DHX33: variants seen among roughly 807,000 people sequenced by gnomAD.
DHX33 encodes the protein DEAH-box helicase 33.
In DHX33, 42 loss-of-function variants were observed where a neutral mutation model predicts 72.5. The ratio of observed to expected loss-of-function variants is 0.58; its 90% CI spans 0.45 to 0.75. The LOEUF (loss-of-function observed/expected upper bound fraction) is 0.75, where lower values mean the gene tolerates loss of function less well. Ranked by LOEUF, DHX33 falls within the 30% of genes least tolerant of loss-of-function variation. The pLI is 0.00. For missense variants in DHX33, 842 were observed against 917.5 expected, an observed-to-expected ratio of 0.92 and a Z score of 1.06; for synonymous variants, 358 against 366.1, an observed-to-expected ratio of 0.98 and a Z score of 0.25.
rs182690124 is a variant in DHX33 at position 5,452,831 on chromosome 17, G to A, written c.1396+749C>T. 2.5e-3 allele frequency among the ~76,000 whole-genome samples: 383 copies of A among 152,306 alleles called. 3 individuals are homozygous for A. Among genetic ancestry groups the A allele is most frequent in the Non-Finnish European group, 4.5e-3 (308 of 68,038 alleles). ...AATGGTTCCAGTGGTTGTTCTAGGG[G>A]AAGGAAACTGTGAACCTGAGGATCA... is the stretch of plus-strand genomic sequence containing the variant. On this transcript the variant is annotated intron_variant, in intron 8 of 11. Transcript: ENST00000225296.
At chr17:5,463,401 T>C (rs1904730844) in intron 2 of DHX33, 128 bp downstream of exon 2, 9 of 995,054 alleles carry the variant, frequency 9.0e-6, no homozygotes, top group Non-Finnish European at 1.3e-5. Flanking sequence ...TAAAGAACTC[T>C]CGGAAGAATA....
At chr17:5,468,103 A>G (rs931424543) in intron 1 of DHX33, among the ~76,000 whole-genome samples, 25 of 152,248 alleles carry the variant, frequency 1.6e-4, no homozygotes, top group African/African-American at 6.0e-4. Flanking sequence ...GTTGGGGATC[A>G]TAAGCCCCAT....
At position 5,462,545 on chromosome 17, in the gene DHX33, A is replaced by G. The variant is rs763159800; in HGVS notation, c.452T>C (p.Val151Ala). 6.2e-6 allele frequency: 10 copies of G among 1,611,460 alleles called. No homozygotes were observed. In the East Asian group the frequency reaches 1.1e-4, roughly 18 times the overall value. Residue 151 changes from valine to alanine, a missense_variant and splice_region_variant, in exon 3 of 12, where the codon GTT (valine) becomes GCT (alanine). By Grantham distance (64) the Val-to-Ala change is moderately conservative. Transcript: ENST00000225296. ...DEKRTELGKLVGYTVRFDDVT... is the reference protein window; with the variant it reads ...DEKRTELGKLAGYTVRFDDVT... Reference sequence around the variant, plus strand: ...ATCATCAAAGCGCACTGTATAGCCAACCTGTGCAGGGAAACAATTTATTCA... The same window carrying G: ...ATCATCAAAGCGCACTGTATAGCCAGCCTGTGCAGGGAAACAATTTATTCA...
At chr17:5,447,854 T>C (rs1265317245) in intron 11 of DHX33, among the ~76,000 whole-genome samples, 1 of 151,992 alleles carries the variant, frequency 6.6e-6, no homozygotes, top group African/African-American at 2.4e-5. Context: ...CATGCAGCAC[T>C]GAAAGCCCAG....
intron 4 of DHX33, among the ~76,000 whole-genome samples, chr17:5,460,084 G>A (rs113978671): frequency 0.17 from 24,984 of 149,392 alleles, 2,712 homozygotes; most frequent in African/African-American, 0.31. Context: ...GCGCGATCTC[G>A]GCTCACTGCA....
At chr17:5,456,302 T>G in intron 4 of DHX33, 120 bp from the exon 5 acceptor site, 6 of 1,138,980 alleles carry the variant, frequency 5.3e-6, no homozygotes, top group Non-Finnish European at 7.5e-6. Context: ...GAAATGTAAA[T>G]GAGCCTAAAA....
At chr17:5,448,959 G>A in intron 10 of DHX33, 64 bp from the exon 11 acceptor site, 1 of 1,362,832 alleles carries the variant, frequency 7.3e-7, no homozygotes, top group Non-Finnish European at 1.0e-6. Flanking sequence ...CACAGAGACG[G>A]GGTCTTGCTC....
intron 2 of DHX33, among the ~76,000 whole-genome samples, chr17:5,462,954 T>C (rs191751786): frequency 2.6e-5 from 4 of 151,974 alleles, no homozygotes; most frequent in African/African-American, 9.6e-5. Flanking sequence ...TGGTGGCACG[T>C]GTCTGTAATC....
Position 5,450,185 on chromosome 17 carries a change from G to T in DHX33, c.1728+18C>A. 1 of 1,613,894 alleles carries T rather than the reference G, an allele frequency of 6.2e-7. No individual in the cohort carries two copies. Among genetic ancestry groups the T allele is most frequent in the Non-Finnish European group, 8.5e-7 (1 of 1,179,918 alleles). ...ACAAGCAGCTATCGCTGGAGAACAG[G>T]TGCAAGACAAGGCTCACCTTATTTC... On this transcript the variant is annotated intron_variant, in intron 10 of 11. Coordinates refer to ENST00000225296, the MANE Select transcript of DHX33 (RefSeq NM_020162.4).
Position 5,443,226 on chromosome 17 carries a change from T to G in DHX33, c.*979A>C, listed in dbSNP as rs1171936346. 2.2e-5 allele frequency: 2 copies of G among 90,098 alleles called. No individual in the cohort carries two copies. Among genetic ancestry groups the G allele is most frequent in the African/African-American group, 8.4e-5 (2 of 23,912 alleles). The allele number at this position is 90,098 out of a possible 1,614,324, so 5.6% of individuals were successfully genotyped here. A position where few individuals can be genotyped will look rare whatever the true frequency, so the allele number is the denominator to read the frequency against. On this transcript the variant is annotated 3_prime_UTR_variant, in exon 12 of 12. Transcript: ENST00000225296. ...CTGGGTTCTAGGTACCCCTCTCCCC[T>G]CCCCCACCCCCACCCCCTCTGACCA...
In DHX33 at chr17:5,463,560, G is replaced by T; in HGVS notation, c.419C>A (p.Ser140Ter). The change falls in exon 2 of 12, where the codon TCA becomes TAA. Residue 140 changes from serine (S) to a stop codon, truncating the protein, a stop_gained. Coordinates refer to ENST00000225296, the MANE Select transcript of DHX33 (RefSeq NM_020162.4). LOFTEE classifies it high-confidence loss of function. ...CCCAAGTTCAGTTCTCTTCTCATCT[G>T]AGACTCTAGTAGCAAGAGAGATGGC... ...VAAISLATRV[S>*]DEKRTELGKL... The T allele has an allele frequency of 6.2e-7, 1 of 1,614,148 alleles. No individual in the cohort carries two copies. The highest frequency in any genetic ancestry group is 8.5e-7 in the Non-Finnish European group (1 of 1,180,020).
chr17:5,444,261 G>T lies in DHX33; in HGVS notation c.2068C>A (p.Leu690Met), dbSNP rs759976239. The T allele has an allele frequency of 6.8e-6, 11 of 1,614,228 alleles. No homozygotes were observed. The East Asian group carries it at 2.5e-4, about 36-fold the overall frequency. The change falls in exon 12 of 12, where the codon CTG (leucine) becomes ATG (methionine). Residue 690 changes from leucine to methionine, a missense_variant. Coordinates refer to ENST00000225296, the MANE Select transcript of DHX33 (RefSeq NM_020162.4). This position sits in a 1 kb window ranked among gnomAD's most constrained non-coding sequence, Gnocchi z 4.9. ...AAGTACTCAGGGGCAGCCTCGTACA[G>T]CCACTGTGCATCTATGACGCAGAGG... ...RDLCVIDAQW[L>M]YEAAPEYFRR...
At chr17:5,449,811 A>G (rs1567597874) in intron 10 of DHX33, among the ~76,000 whole-genome samples, 1 of 152,218 alleles carries the variant, frequency 6.6e-6, no homozygotes, top group Non-Finnish European at 1.5e-5. Flanking sequence ...AATAATAATT[A>G]TAGTGCTCAT....
rs186920388 is a variant in DHX33 at position 5,463,591 on chromosome 17, C to G, written c.388G>C (p.Val130Leu). The G allele has an allele frequency of 6.2e-7, 1 of 1,614,088 alleles. No homozygotes were observed. The highest frequency in any genetic ancestry group is 8.5e-7 in the Non-Finnish European group (1 of 1,180,004). The change falls in exon 2 of 12, where the codon GTA becomes CTA. Residue 130 changes from valine (V) to leucine (L), a missense_variant. Val to Leu is a conservative substitution (Grantham distance 32). Coordinates refer to ENST00000225296, the MANE Select transcript of DHX33 (RefSeq NM_020162.4). ...CTAGTAGCAAGAGAGATGGCAGCTA[C>G]TCGACGAGGCTGGGTCACAGCAATG... ...GIIAVTQPRR[V>L]AAISLATRVS...
At position 5,468,895 on chromosome 17, in the gene DHX33, G is replaced by A; in HGVS notation, c.-36C>T. 1 of 1,547,704 alleles carries A rather than the reference G, an allele frequency of 6.5e-7. No homozygotes were observed. The highest frequency in any genetic ancestry group is 8.7e-7 in the Non-Finnish European group (1 of 1,145,956). ...CACCGCGGCGGGAGGCGCAAGCGCC[G>A]AGAGCTCCTGCCCCCTCTCAGGTGC... On this transcript the variant is annotated 5_prime_UTR_variant, in exon 1 of 12. Transcript: ENST00000225296.
chr17:5,457,721 T>A (rs966154421), intron 4 of DHX33, among the ~76,000 whole-genome samples: 2 of 152,136 alleles, frequency 1.3e-5, no homozygotes, highest in African/African-American at 4.8e-5. Context: ...GTATTTTTTT[T>A]CAGCCCAGTA....
At chr17:5,463,369 C>T (rs1904728319) in intron 2 of DHX33, among the ~76,000 whole-genome samples, 160 bp downstream of exon 2, 1 of 152,164 alleles carries the variant, frequency 6.6e-6, no homozygotes, top group Non-Finnish European at 1.5e-5. Context: ...ACCAATAGAG[C>T]CCCTGATCTC....
In DHX33 at chr17:5,450,924, C is replaced by A. The variant is rs775701373; in HGVS notation, c.1407G>T (p.Gln469His). 1.2e-6 allele frequency: 2 copies of A among 1,613,862 alleles called. No homozygotes were observed. The highest frequency in any genetic ancestry group is 1.7e-6 in the Non-Finnish European group (2 of 1,179,944). Residue 469 changes from glutamine (Q) to histidine (H), a missense_variant, in exon 9 of 12, where the codon CAG becomes CAT. Coordinates refer to ENST00000225296, the MANE Select transcript of DHX33 (RefSeq NM_020162.4). ...FMSKPSPDHIQAAIAQLDLLG... is the reference protein window; with the variant it reads ...FMSKPSPDHIHAAIAQLDLLG... Reference sequence around the variant, plus strand: ...ACAGGTCCAGTTGGGCAATGGCCGCCTGAATGTGATCTAAAGAAACAGAGA... The same window carrying A: ...ACAGGTCCAGTTGGGCAATGGCCGCATGAATGTGATCTAAAGAAACAGAGA...
intron 6 of DHX33, 99 bp from the exon 7 acceptor site, chr17:5,454,079 C>G: frequency 7.1e-7 from 1 of 1,410,608 alleles, no homozygotes; most frequent in South Asian, 1.3e-5. Flanking sequence ...TTCAGCAACA[C>G]GGGGGTCCAG....
Sources: allele counts gnomAD v4.1 joint callset (sites outside exome capture counted in the v4.1 genomes callset), GRCh38; gene constraint gnomAD v4.1.1; non-coding constraint Gnocchi (gnomAD v3.1); transcripts MANE v1.5; gene names NCBI Gene and HGNC (gene_info 2026-07-23, HGNC 2026-07-21).